WDR7: variants seen among roughly 807,000 people sequenced by gnomAD.
WDR7 encodes WD repeat-containing protein 7.
WDR7 carries 46 observed loss-of-function variants against 169.4 expected under a neutral mutation model. The observed-to-expected ratio is 0.27, with a 90% CI of 0.21 to 0.35. WDR7 has a LOEUF of 0.35. Among genes scored for constraint, WDR7 ranks in the 10% least tolerant of loss-of-function variants. The probability of loss-of-function intolerance (pLI) is 1.00; values close to 1 mark genes in which losing one functional copy is unlikely to be tolerated. For missense variants in WDR7, 1,534 were observed against 1,859.3 expected (o/e 0.83, Z 3.22); for synonymous variants, 612 against 666.8 (o/e 0.92, Z 1.27).
chr18:57,021,830 A>G (rs1325867566), intron 27 of WDR7, among the ~76,000 whole-genome samples: 3 of 152,162 alleles, frequency 2.0e-5, no homozygotes, highest in African/African-American at 7.2e-5. Context: ...AAAACAAAAC[A>G]AAATAAAAGT....
At chr18:56,851,724 G>T (rs2045643271) in intron 20 of WDR7, among the ~76,000 whole-genome samples, 1 of 151,688 alleles carries the variant, frequency 6.6e-6, no homozygotes, top group Admixed American at 6.6e-5. Context: ...TGGAGACACA[G>T]TTCATATTAA....
At chr18:57,013,199 A>G (rs1294590994) in intron 26 of WDR7, among the ~76,000 whole-genome samples, 1 of 152,114 alleles carries the variant, frequency 6.6e-6, no homozygotes, top group African/African-American at 2.4e-5. Context: ...ACAGTTCACA[A>G]TAGGGTTTGC....
chr18:56,946,740 A>G (rs1202014139), intron 25 of WDR7, among the ~76,000 whole-genome samples: 6 of 152,298 alleles, frequency 3.9e-5, no homozygotes, highest in Admixed American at 6.5e-5. Context: ...TATATGAAAT[A>G]CACGGTTTTA....
intron 26 of WDR7, among the ~76,000 whole-genome samples, chr18:56,967,516 G>A (rs1387030342): frequency 1.3e-5 from 2 of 152,108 alleles, no homozygotes; most frequent in African/African-American, 4.8e-5. Context: ...GTCCAGGCAT[G>A]TGTTTGGTTA....
At chr18:56,754,325 GTATA>G (rs1413803761) in intron 14 of WDR7, among the ~76,000 whole-genome samples, 29 of 147,684 alleles carry the variant, frequency 2.0e-4, no homozygotes, top group African/African-American at 7.2e-4. Flanking sequence ...ATATATGTGT[GTATA>G]TATACGTATA....
chr18:56,846,523 C>T (rs754325450), intron 20 of WDR7, among the ~76,000 whole-genome samples: 2 of 152,166 alleles, frequency 1.3e-5, no homozygotes, highest in Non-Finnish European at 2.9e-5. Flanking sequence ...GATTCTGAGG[C>T]CTCCCCAGCC....
At chr18:56,739,728 T>C (rs2043585061) in intron 14 of WDR7, among the ~76,000 whole-genome samples, 1 of 151,954 alleles carries the variant, frequency 6.6e-6, no homozygotes, top group Non-Finnish European at 1.5e-5. Context: ...ACTGTAAAGA[T>C]TTCATTATCT....
chr18:56,856,738 G>T (rs181412550), intron 20 of WDR7, among the ~76,000 whole-genome samples: 276 of 151,996 alleles, frequency 1.8e-3, no homozygotes, highest in Non-Finnish European at 2.5e-3. Context: ...TTCCTAAAAT[G>T]TCTTTAAGAA....
intron 19 of WDR7, among the ~76,000 whole-genome samples, chr18:56,814,289 T>TTTC (rs58485971): frequency 0.16 from 24,343 of 152,110 alleles, 2,876 homozygotes; most frequent in African/African-American, 0.34. Context: ...ATCCAAACTA[T>TTTC]TTAATATTTT....
chr18:56,667,430 T>C (rs932061721), intron 1 of WDR7, among the ~76,000 whole-genome samples: 7 of 152,310 alleles, frequency 4.6e-5, no homozygotes, highest in African/African-American at 1.4e-4. Context: ...AGTTTGAGCA[T>C]GTTGCTTCTC....
intron 20 of WDR7, among the ~76,000 whole-genome samples, chr18:56,867,051 G>T (rs1025922723): frequency 9.9e-5 from 15 of 151,776 alleles, no homozygotes; most frequent in South Asian, 4.2e-4. Flanking sequence ...TTGAGGCAGG[G>T]TCTCACTCTG....
chr18:57,033,769 C>G (rs1910682696), downstream of WDR7: 2 of 151,826 alleles, frequency 1.3e-5, no homozygotes, highest in South Asian at 4.2e-4. Flanking sequence ...TGCTTCCCAG[C>G]CAAAGAGAAC....
intron 18 of WDR7, among the ~76,000 whole-genome samples, chr18:56,780,155 A>G (rs576385007): frequency 1.3e-5 from 2 of 152,324 alleles, no homozygotes; most frequent in South Asian, 2.1e-4. Flanking sequence ...TACCTGACAC[A>G]TGGTAGGAGC....
At chr18:56,815,508 C>T (rs117649041) in intron 19 of WDR7, among the ~76,000 whole-genome samples, 3,873 of 152,266 alleles carry the variant, frequency 0.025, 67 homozygotes, top group Middle Eastern at 0.092. Context: ...GTGATAATTA[C>T]GTGACCTTAT....
Position 56,834,957 on chromosome 18 carries a change from T to C in WDR7, c.3304+18813T>C, listed in dbSNP as rs2045373337. 2.0e-5 allele frequency among the ~76,000 whole-genome samples: 3 copies of C among 152,344 alleles called. 1 individual carries two copies. The highest frequency in any genetic ancestry group is 2.0e-4 in the Admixed American group (3 of 15,290). The stretch of plus-strand genomic sequence containing the variant: ...GAATGTGATGAACAAGCCTTCTGTG[T>C]TGTCTGTGTTGACTAGTTAACTGCT... On this transcript the variant is annotated intron_variant, in intron 20 of 27. Coordinates refer to ENST00000254442, the MANE Select transcript of WDR7 (RefSeq NM_015285.3).
intron 20 of WDR7, among the ~76,000 whole-genome samples, chr18:56,866,895 G>A (rs1339808448): frequency 6.6e-6 from 1 of 152,094 alleles, no homozygotes; most frequent in Non-Finnish European, 1.5e-5. Flanking sequence ...AATATTTAAG[G>A]TGATGAATAT....
chr18:56,831,337 G>T (rs549246060), intron 20 of WDR7, among the ~76,000 whole-genome samples: 6 of 152,146 alleles, frequency 3.9e-5, no homozygotes, highest in Admixed American at 3.9e-4. Context: ...CTGTTTGTTG[G>T]CTGAGCTGCT....
At chr18:56,843,535 G>T (rs948549564) in intron 20 of WDR7, among the ~76,000 whole-genome samples, 2 of 152,178 alleles carry the variant, frequency 1.3e-5, no homozygotes, top group Non-Finnish European at 2.9e-5. Context: ...CTTGTGTCAG[G>T]AGCTTACAAT....
intron 20 of WDR7, among the ~76,000 whole-genome samples, chr18:56,840,672 A>G (rs1374071962): frequency 6.6e-6 from 1 of 151,784 alleles, no homozygotes; most frequent in African/African-American, 2.4e-5. Context: ...AATACAAAAG[A>G]TTAGCTGGTA....
Sources: gnomAD v4.1 joint callset for allele counts (sites outside exome capture counted in the v4.1 genomes callset) on GRCh38, gnomAD v4.1.1 for gene constraint, MANE v1.5 for transcripts, NCBI Gene and HGNC (gene_info 2026-07-23, HGNC 2026-07-21) for gene names.